The following DYM variants were observed in gnomAD, a reference collection of about 807,000 sequenced individuals.
DYM encodes the protein dymeclin.
In DYM, 78 loss-of-function variants were observed where a neutral mutation model predicts 93.1. That is an observed-to-expected ratio of 0.84 (90% CI 0.70 to 1.01). The LOEUF is 1.01. DYM is among the 50% of genes least tolerant of loss of function. The pLI is 0.00. For synonymous variants in DYM, 321 were observed against 319.7 expected, an observed-to-expected ratio of 1.00 and a Z score of -0.04; for missense variants, 789 against 845.0, an observed-to-expected ratio of 0.93 and a Z score of 0.82.
chr18:49,248,472 T>G (rs2094216983), intron 13 of DYM, among the ~76,000 whole-genome samples: 1 of 152,188 alleles, frequency 6.6e-6, no homozygotes, highest in African/African-American at 2.4e-5. Context: ...TGATATCTCA[T>G]TCAAGAGATG....
chr18:49,447,191 C>T (rs1280379104), intron 1 of DYM: 2 of 152,142 alleles, frequency 1.3e-5, no homozygotes, highest in African/African-American at 4.8e-5. Context: ...ACAGGTAGGG[C>T]CTGTTCAAGG....
chr18:49,115,762 C>T (rs554848343), intron 16 of DYM, among the ~76,000 whole-genome samples: 2 of 152,332 alleles, frequency 1.3e-5, no homozygotes, highest in East Asian at 3.9e-4. Context: ...TTTAATATTA[C>T]AGTGCCCATT....
intron 15 of DYM, among the ~76,000 whole-genome samples, chr18:49,125,736 C>G (rs1359602576): frequency 1.3e-5 from 2 of 152,184 alleles, no homozygotes; most frequent in African/African-American, 4.8e-5. Flanking sequence ...GCTAGAATCC[C>G]TTCTATAACA....
At position 49,374,890 on chromosome 18, in the gene DYM, C is replaced by T. The variant is rs147144929; in HGVS notation, c.421+3677G>A. On this transcript the variant is annotated intron_variant, in intron 5 of 17. Transcript: ENST00000675505. Reference sequence around the variant, plus strand: ...AGGAGAATCACCTGAACCCAGGAGGCGGAGGTTGCAGTGAGCCGAGATCGT... The same window carrying T: ...AGGAGAATCACCTGAACCCAGGAGGTGGAGGTTGCAGTGAGCCGAGATCGT... 3.5e-3 allele frequency among the ~76,000 whole-genome samples: 529 copies of T among 151,316 alleles called. 4 individuals are homozygous for T. The highest frequency in any genetic ancestry group is 0.012 in the African/African-American group (488 of 41,212).
intron 13 of DYM, among the ~76,000 whole-genome samples, chr18:49,224,385 C>T (rs188510770): frequency 1.0e-3 from 158 of 151,934 alleles, no homozygotes; most frequent in Admixed American, 6.8e-3. Flanking sequence ...TGTGAGTCAT[C>T]GGTGTAAGGA....
At chr18:49,199,225 T>C (rs890986496) in intron 14 of DYM, among the ~76,000 whole-genome samples, 9 of 151,788 alleles carry the variant, frequency 5.9e-5, no homozygotes, top group Non-Finnish European at 1.2e-4. Context: ...CCAGGGCCTG[T>C]TGTGGGGTGG....
chr18:49,141,882 C>T (rs1034252870), intron 15 of DYM, among the ~76,000 whole-genome samples: 3 of 152,050 alleles, frequency 2.0e-5, no homozygotes, highest in Admixed American at 6.6e-5. Context: ...GAGATGGAGT[C>T]TCACTCTGTC....
chr18:49,208,077 G>A (rs1290155684), intron 14 of DYM, among the ~76,000 whole-genome samples: 1 of 150,982 alleles, frequency 6.6e-6, no homozygotes, highest in Non-Finnish European at 1.5e-5. Context: ...CAGCTACTCG[G>A]GAGGCTGAGG....
chr18:49,124,283 T>A (rs1163567248), intron 15 of DYM, among the ~76,000 whole-genome samples: 3 of 152,108 alleles, frequency 2.0e-5, no homozygotes, highest in Non-Finnish European at 4.4e-5. Flanking sequence ...GGCAGGAGGA[T>A]CACTTGAGGC....
chr18:49,293,519 C>T (rs577640503), intron 8 of DYM, among the ~76,000 whole-genome samples: 8 of 152,300 alleles, frequency 5.3e-5, no homozygotes, highest in Admixed American at 3.3e-4. Flanking sequence ...GATCACCATT[C>T]TAAGTGGCAT....
intron 15 of DYM, among the ~76,000 whole-genome samples, chr18:49,120,097 A>AG (rs2082251121): frequency 6.7e-6 from 1 of 149,198 alleles, no homozygotes; most frequent in Non-Finnish European, 1.5e-5. Flanking sequence ...AAAAAAAAAG[A>AG]AAAAAAAGAA....
At chr18:49,456,507 A>G (rs2082999045) in intron 1 of DYM, among the ~76,000 whole-genome samples, 1 of 152,174 alleles carries the variant, frequency 6.6e-6, no homozygotes. Context: ...TAAATGCCCA[A>G]AAGACTGAGC....
intron 15 of DYM, among the ~76,000 whole-genome samples, chr18:49,122,825 G>A (rs776988280): frequency 6.6e-6 from 1 of 152,148 alleles, no homozygotes; most frequent in Non-Finnish European, 1.5e-5. Context: ...ATCTTGCTCA[G>A]TATATTCGGA....
chr18:49,112,058 TG>T (rs1165838186), intron 16 of DYM, among the ~76,000 whole-genome samples: 1 of 151,816 alleles, frequency 6.6e-6, no homozygotes, highest in East Asian at 1.9e-4. Context: ...CGTGCAATAA[TG>T]GGTCTCTACC....
At chr18:49,109,926 C>G (rs908129967) in intron 16 of DYM, among the ~76,000 whole-genome samples, 1 of 152,242 alleles carries the variant, frequency 6.6e-6, no homozygotes, top group Non-Finnish European at 1.5e-5. Flanking sequence ...TCCCTCTCAT[C>G]CTTTGTGCTA....
intron 8 of DYM, among the ~76,000 whole-genome samples, chr18:49,323,968 T>C (rs534681345): frequency 1.1e-4 from 17 of 152,022 alleles, no homozygotes; most frequent in African/African-American, 4.1e-4. Flanking sequence ...TGAAATCATG[T>C]CTCAAGTAAA....
At chr18:49,414,712 G>A (rs886853662) in intron 2 of DYM, among the ~76,000 whole-genome samples, 2 of 152,152 alleles carry the variant, frequency 1.3e-5, no homozygotes, top group Non-Finnish European at 2.9e-5. Flanking sequence ...CTGCTCAAAT[G>A]CTGCTTTCCC....
At chr18:49,324,850 T>C (rs1217131790) in intron 8 of DYM, among the ~76,000 whole-genome samples, 1 of 152,218 alleles carries the variant, frequency 6.6e-6, no homozygotes, top group Admixed American at 6.5e-5. Flanking sequence ...TTGTATATAA[T>C]ATCTCACTTA....
At chr18:49,284,519 T>C (rs511158) in intron 9 of DYM, among the ~76,000 whole-genome samples, 24,657 of 151,600 alleles carry the variant, frequency 0.16, 2,748 homozygotes, top group East Asian at 0.34. Flanking sequence ...ATACCTGCTT[T>C]GTTGCAAAAT....
Sources: gnomAD v4.1 joint callset for allele counts (sites outside exome capture counted in the v4.1 genomes callset) on GRCh38, gnomAD v4.1.1 for gene constraint, MANE v1.5 for transcripts, NCBI Gene and HGNC (gene_info 2026-07-23, HGNC 2026-07-21) for gene names.